The following PHC2 variants were observed in gnomAD, a reference collection of about 807,000 sequenced individuals.
PHC2 encodes polyhomeotic-like protein 2.
PHC2 carries 29 observed loss-of-function variants against 87.4 expected under a neutral mutation model. The observed-to-expected ratio is 0.33, with a 90% CI of 0.25 to 0.45. The LOEUF is 0.45. Ranked by LOEUF, PHC2 falls within the 20% of genes least tolerant of loss-of-function variation. The probability of loss-of-function intolerance (pLI) is 1.00; values close to 1 mark genes in which losing one functional copy is unlikely to be tolerated. For missense variants in PHC2, 857 were observed against 1,136.7 expected (o/e 0.75, Z 3.54); for synonymous variants, 438 against 461.7 (o/e 0.95, Z 0.66).
At chr1:33,343,428 C>G (rs886445120) in intron 9 of PHC2, among the ~76,000 whole-genome samples, 1 of 143,746 alleles carries the variant, frequency 7.0e-6, no homozygotes, top group African/African-American at 2.5e-5. Context: ...CGAGATTGCA[C>G]CACTGCACTC....
chr1:33,365,015 C>T (rs1647366430), intron 7 of PHC2, among the ~76,000 whole-genome samples: 1 of 152,196 alleles, frequency 6.6e-6, no homozygotes, highest in Admixed American at 6.5e-5. Context: ...GAGGAGGCCC[C>T]AGATTACTGT....
Position 33,323,762 on chromosome 1 carries a change from C to G in PHC2, c.*1103G>C, listed in dbSNP as rs911898419. 5 of 152,678 alleles carry G rather than the reference C, an allele frequency of 3.3e-5. No homozygotes were observed. Among genetic ancestry groups the G allele is most frequent in the African/African-American group, 7.2e-5 (3 of 41,464 alleles). 9.5% of individuals were successfully genotyped at this position (152,678 alleles called of 1,614,324 possible). ...TACCTCCTTCCTGCAAAGGACACGG[C>G]AGGTCAGAGGCAGGCCCTCGCCCTT... On this transcript the variant is annotated 3_prime_UTR_variant, in exon 15 of 15. Coordinates refer to ENST00000683057, the MANE Select transcript of PHC2 (RefSeq NM_001385109.1).
intron 2 of PHC2, among the ~76,000 whole-genome samples, chr1:33,374,950 T>A (rs1483489083): frequency 6.6e-6 from 1 of 152,192 alleles, no homozygotes; most frequent in African/African-American, 2.4e-5. Context: ...CTGGATGACA[T>A]TTGCCAACTG....
chr1:33,404,121 C>T (rs1051314349), intron 1 of PHC2, among the ~76,000 whole-genome samples: 3 of 152,164 alleles, frequency 2.0e-5, no homozygotes, highest in Non-Finnish European at 4.4e-5. Flanking sequence ...TTCAAAATAT[C>T]TAAATTTTAA....
At chr1:33,393,342 C>T (rs1017735778) in intron 1 of PHC2, among the ~76,000 whole-genome samples, 1 of 152,136 alleles carries the variant, frequency 6.6e-6, no homozygotes, top group Non-Finnish European at 1.5e-5. Context: ...ATTTAGAAGC[C>T]TCATCTGTGC....
At chr1:33,358,406 A>C (rs1331620549) in intron 7 of PHC2, among the ~76,000 whole-genome samples, 1 of 152,230 alleles carries the variant, frequency 6.6e-6, no homozygotes, top group African/African-American at 2.4e-5. Flanking sequence ...GAATCAATTT[A>C]TAGATCAGAG....
chr1:33,364,859 G>A lies in PHC2; in HGVS notation c.976+2257C>T, dbSNP rs1245266891. On this transcript the variant is annotated intron_variant, in intron 7 of 14. Transcript: ENST00000683057. The surrounding 1 kb of genome is among the most constrained non-coding windows in gnomAD (Gnocchi z 4.1). ...GGTCTCTGTACTGCATTCTAGCCAG[G>A]CACTGTTAGCCTTAGGCCCTCGGGC... 6.6e-6 allele frequency among the ~76,000 whole-genome samples: 1 copy of A among 152,204 alleles called. No individual in the cohort carries two copies. Among genetic ancestry groups the A allele is most frequent in the Non-Finnish European group, 1.5e-5 (1 of 68,032 alleles).
chr1:33,402,076 T>A (rs1649559683), intron 1 of PHC2, among the ~76,000 whole-genome samples: 1 of 151,848 alleles, frequency 6.6e-6, no homozygotes, highest in Non-Finnish European at 1.5e-5. Context: ...AAAAGAGAAT[T>A]TGCATCAAAA....
At position 33,328,993 on chromosome 1, in the gene PHC2, G is replaced by T. The variant is rs769308373; in HGVS notation, c.2302C>A (p.Arg768=). The change falls in exon 14 of 15, where the codon CGG becomes AGG. Residue 768 remains arginine (R), a synonymous_variant. Transcript: ENST00000683057. The part of the protein sequence containing the change: ...SSTSRRRQGQ[R]DLELPDMHMR... ...TGCATGTCGGGGAGCTCCAGGTCCCGCTGGCCTTGTCGCCGGCGGGAAGTA... is the reference window on the plus strand; with the variant it reads ...TGCATGTCGGGGAGCTCCAGGTCCCTCTGGCCTTGTCGCCGGCGGGAAGTA... The T allele has an allele frequency of 6.2e-7, 1 of 1,614,186 alleles. No individual in the cohort carries two copies.
rs1646391345 is a variant in PHC2 at position 33,327,248 on chromosome 1, GT to G, written c.2425+1621del. ...CTATGGCTGTCCCACTGTGCATTGG[GT>G]TTGTGGAAGGGAGCAGATAGCCTCT... On this transcript the variant is annotated intron_variant, in intron 14 of 14. Transcript: ENST00000683057. Among the ~76,000 whole-genome samples the G allele has an allele frequency of 2.0e-5, 3 of 152,142 alleles. No homozygotes were observed. In the South Asian group the frequency reaches 6.2e-4, roughly 31 times the overall value.
In PHC2 at chr1:33,355,253, G is replaced by A. The variant is rs1224108839; in HGVS notation, c.977C>T (p.Ala326Val). 2 of 1,561,382 alleles carry A rather than the reference G, an allele frequency of 1.3e-6. No individual in the cohort carries two copies. The highest frequency in any genetic ancestry group is 3.5e-5 in the Admixed American group (2 of 56,584). The change falls in exon 8 of 15, where the codon GCC becomes GTC. Residue 326 changes from alanine (A) to valine (V), a missense_variant and splice_region_variant. Ala to Val is a moderately conservative substitution (Grantham distance 64). Around this residue, in one of 3 missense-constraint regions of PHC2, gnomAD observed 832 missense variants for 1,081.8 expected, o/e 0.77. Transcript: ENST00000683057. The stretch of plus-strand genomic sequence containing the variant: ...CTGGTGTGGCTGCAGCTGAGCATAG[G>A]CTGAAAGGGGAAAGGCCAGGTTAGA... ...AVAAHPLIAP[A>V]YAQLQPHQLL...
intron 9 of PHC2, among the ~76,000 whole-genome samples, chr1:33,343,887 C>A (rs942207860): frequency 3.9e-5 from 6 of 152,158 alleles, no homozygotes; most frequent in African/African-American, 1.4e-4. Context: ...GTGACTGCAA[C>A]ATAACAGAAA....
Position 33,382,368 on chromosome 1 carries a change from T to C in PHC2, c.-54-6775A>G, listed in dbSNP as rs2148348925. 6.6e-6 allele frequency among the ~76,000 whole-genome samples: 1 copy of C among 152,204 alleles called. No individual in the cohort carries two copies. Among genetic ancestry groups the C allele is most frequent in the South Asian group, 2.1e-4 (1 of 4,814 alleles). On this transcript the variant is annotated intron_variant, in intron 1 of 14. Coordinates refer to ENST00000683057, the MANE Select transcript of PHC2 (RefSeq NM_001385109.1). This position sits in a 1 kb window ranked among gnomAD's most constrained non-coding sequence, Gnocchi z 4.3. ...ATTAGAAAATCTGAATCCTTAAACT[T>C]TCACAGTATCTAGGCTTTCAGTATT...
intron 12 of PHC2, among the ~76,000 whole-genome samples, chr1:33,330,743 C>A (rs1646473810): frequency 6.6e-6 from 1 of 152,220 alleles, no homozygotes; most frequent in Non-Finnish European, 1.5e-5. Flanking sequence ...AAAGACCACA[C>A]ATGGCTTTAG....
At chr1:33,396,192 TC>T (rs1649285684) in intron 1 of PHC2, among the ~76,000 whole-genome samples, 2 of 152,166 alleles carry the variant, frequency 1.3e-5, no homozygotes, top group Non-Finnish European at 2.9e-5. Flanking sequence ...AGGGTTTGTA[TC>T]CCTAGTCTTC....
At chr1:33,329,476 A>G (rs1283106381) in intron 13 of PHC2, among the ~76,000 whole-genome samples, 3 of 137,628 alleles carry the variant, frequency 2.2e-5, no homozygotes, top group East Asian at 4.0e-4. Context: ...GACCATTCTT[A>G]AGGAGGTTTA....
intron 1 of PHC2, among the ~76,000 whole-genome samples, chr1:33,409,655 T>C (rs1003527435): frequency 1.3e-5 from 2 of 152,204 alleles, no homozygotes; most frequent in Admixed American, 6.5e-5. Context: ...AATCTATCTA[T>C]CACTGGTTGG....
At chr1:33,336,262 T>TA (rs1479861207) in intron 9 of PHC2, among the ~76,000 whole-genome samples, 3 of 152,106 alleles carry the variant, frequency 2.0e-5, no homozygotes, top group Non-Finnish European at 2.9e-5. Context: ...GTGCTGGGAT[T>TA]ACAGGCATGA....
intron 1 of PHC2, among the ~76,000 whole-genome samples, chr1:33,428,049 T>C (rs1650752829): frequency 6.6e-6 from 1 of 152,164 alleles, no homozygotes; most frequent in South Asian, 2.1e-4. Context: ...GCATTAAGCA[T>C]CTCAAAAAGG....
Sources: gnomAD v4.1 joint callset for allele counts (sites outside exome capture counted in the v4.1 genomes callset) on GRCh38, gnomAD v4.1.1 for gene constraint, gnomAD v4.1.1 regional missense constraint, Gnocchi (gnomAD v3.1) non-coding constraint, MANE v1.5 for transcripts, NCBI Gene and HGNC (gene_info 2026-07-23, HGNC 2026-07-21) for gene names.